Variants in SLC25A29 observed in about 807,000 individuals in gnomAD.
The protein encoded by SLC25A29 is mitochondrial basic amino acids transporter.
In SLC25A29, 13 loss-of-function variants were observed where a neutral mutation model predicts 10.0. The observed-to-expected ratio is 1.30, with a 90% confidence interval of 0.85 to 2.07. The LOEUF is 2.07. SLC25A29 is among the 30% of genes most tolerant of loss of function. The probability of loss-of-function intolerance (pLI) is 0.00; values close to 1 mark genes in which losing one functional copy is unlikely to be tolerated. For synonymous variants in SLC25A29, 244 were observed against 221.1 expected (o/e 1.10, Z -0.92); for missense variants, 475 against 447.6 (o/e 1.06, Z -0.55).
Position 100,306,298 on chromosome 14 carries a change from G to GA in SLC25A29, c.-67_-66insT. On this transcript the variant is annotated 5_prime_UTR_variant, in exon 1 of 4. Transcript: ENST00000359232. ...CCCCTGAGGCCCCTCGCCGGGCTGG[G>GA]CGCCGTCGGGGTCCCCGAGCGCGCG... The GA allele has an allele frequency of 1.5e-6, 2 of 1,316,318 alleles. No homozygotes were observed. Among genetic ancestry groups the GA allele is most frequent in the Non-Finnish European group, 1.9e-6 (2 of 1,035,188 alleles). The allele number at this position is 1,316,318 out of a possible 1,614,324, so 81.5% of individuals were successfully genotyped here.
At chr14:100,301,761 C>T (rs1359536958) in intron 1 of SLC25A29, among the ~76,000 whole-genome samples, 7 of 151,928 alleles carry the variant, frequency 4.6e-5, no homozygotes, top group Admixed American at 2.0e-4. Context: ...CCACCCGCCT[C>T]GGCCACCCAA....
At chr14:100,300,055 G>C in intron 1 of SLC25A29, 2 of 716,536 alleles carry the variant, frequency 2.8e-6, no homozygotes, top group Non-Finnish European at 3.4e-6. Flanking sequence ...CAGATCACTT[G>C]AGATCAGGAG....
chr14:100,292,728 G>A lies in SLC25A29; in HGVS notation c.467C>T (p.Ser156Phe), dbSNP rs1242678446. 6.2e-7 allele frequency: 1 copy of A among 1,602,864 alleles called. No individual in the cohort carries two copies. Among genetic ancestry groups the A allele is most frequent in the African/African-American group, 1.3e-5 (1 of 74,762 alleles). ...GCTGGGCGTCTCACGCAGCAACGTG[G>A]ACACCATGCCCCGGTTGACGCCACG... ...GLRGVNRGMV[S>F]TLLRETPSFG... Residue 156 changes from serine (S) to phenylalanine (F), a missense_variant, in exon 4 of 4, where the codon TCC becomes TTC. Physicochemically the swap from Ser to Phe is radical, Grantham distance 155. Transcript: ENST00000359232.
chr14:100,285,206 C>A, the SLC25A29 span, among the ~76,000 whole-genome samples: 20 of 152,090 alleles, frequency 1.3e-4, no homozygotes, highest in African/African-American at 4.8e-4. Flanking sequence ...CTAGCCCCTG[C>A]CCGCCTGGCC....
chr14:100,285,621 G>T, the SLC25A29 span, among the ~76,000 whole-genome samples: 1 of 152,118 alleles, frequency 6.6e-6, no homozygotes, highest in Non-Finnish European at 1.5e-5. Flanking sequence ...GGGCCACGGG[G>T]GCGCGGAGAT....
rs1443520091 is a variant in SLC25A29 at position 100,291,937 on chromosome 14, A to G, written c.*346T>C. 7 of 335,098 alleles carry G rather than the reference A, an allele frequency of 2.1e-5. No homozygotes were observed. The highest frequency in any genetic ancestry group is 1.5e-4 in the South Asian group (6 of 38,762). The allele number at this position is 335,098 out of a possible 1,614,324, so 20.8% of individuals were successfully genotyped here. A position where few individuals can be genotyped will look rare whatever the true frequency, so the allele number is the denominator to read the frequency against. On this transcript the variant is annotated 3_prime_UTR_variant, in exon 4 of 4. Coordinates refer to ENST00000359232, the MANE Select transcript of SLC25A29 (RefSeq NM_001039355.3). Reference sequence around the variant, plus strand: ...GAGCCAGCCTGCAGGGCAGGAGCACAATGACGTGGCCAGGATCCCAGAAAG... The same window carrying G: ...GAGCCAGCCTGCAGGGCAGGAGCACGATGACGTGGCCAGGATCCCAGAAAG...
Position 100,292,158 on chromosome 14 carries a change from A to G in SLC25A29, c.*125T>C, listed in dbSNP as rs1413709771. ...ACTACCCAGCTGATCAGCAAAATTCAGCCCACGTCTGATAGACTCCACAGC... is the reference window on the plus strand; with the variant it reads ...ACTACCCAGCTGATCAGCAAAATTCGGCCCACGTCTGATAGACTCCACAGC... On this transcript the variant is annotated 3_prime_UTR_variant, in exon 4 of 4. Coordinates refer to ENST00000359232, the MANE Select transcript of SLC25A29 (RefSeq NM_001039355.3). 1.6e-5 allele frequency: 21 copies of G among 1,303,844 alleles called. No homozygotes were observed. The highest frequency in any genetic ancestry group is 2.2e-5 in the Non-Finnish European group (21 of 943,186). The allele number at this position is 1,303,844 out of a possible 1,614,324, so 80.8% of individuals were successfully genotyped here.
In SLC25A29 at chr14:100,292,699, C is replaced by T. The variant is rs775448610; in HGVS notation, c.496G>A (p.Gly166Ser). 2.5e-6 allele frequency: 4 copies of T among 1,602,354 alleles called. No homozygotes were observed. The highest frequency in any genetic ancestry group is 3.4e-5 in the Admixed American group (2 of 58,268). The change falls in exon 4 of 4, where the codon GGC becomes AGC. Residue 166 changes from glycine to serine, a missense_variant. Physicochemically the swap from Gly to Ser is moderately conservative, Grantham distance 56. Coordinates refer to ENST00000359232, the MANE Select transcript of SLC25A29 (RefSeq NM_001039355.3). ...STLLRETPSFGVYFLTYDALT... is the reference protein window; with the variant it reads ...STLLRETPSFSVYFLTYDALT... ...GCGTCATAGGTGAGGAAGTAGACGC[C>T]GAAGCTGGGCGTCTCACGCAGCAAC... is the stretch of plus-strand genomic sequence containing the variant.
chr14:100,294,228 A>T (rs952968953), intron 2 of SLC25A29: 1 of 152,300 alleles, frequency 6.6e-6, no homozygotes, highest in Non-Finnish European at 1.5e-5. Context: ...GCAAGAGAAC[A>T]GCCAACAACC....
intron 1 of SLC25A29, 190 bp from the exon 2 acceptor site, chr14:100,299,075 A>G: frequency 7.0e-7 from 1 of 1,431,148 alleles, no homozygotes; most frequent in Non-Finnish European, 9.1e-7. Flanking sequence ...CTGGGAGGGT[A>G]TGCATGTGAC....
chr14:100,280,656 T>C, the SLC25A29 span: 1 of 152,082 alleles, frequency 6.6e-6, no homozygotes, highest in Non-Finnish European at 1.5e-5. Flanking sequence ...ATGTCACTTA[T>C]TTTGCTAAAT....
At chr14:100,297,949 T>C (rs1892282036) in intron 2 of SLC25A29, 1 of 152,294 alleles carries the variant, frequency 6.6e-6, no homozygotes. Flanking sequence ...TCACAGCCAA[T>C]GCAAAGGCCA....
At chr14:100,290,466 T>C (rs1891638349), downstream of SLC25A29, among the ~76,000 whole-genome samples, 1 of 152,204 alleles carries the variant, frequency 6.6e-6, no homozygotes, top group South Asian at 2.1e-4. Flanking sequence ...GCACTAGGGT[T>C]AAACAGGCAC....
chr14:100,301,662 A>G (rs1268051393), intron 1 of SLC25A29, among the ~76,000 whole-genome samples: 1 of 151,766 alleles, frequency 6.6e-6, no homozygotes. Flanking sequence ...GGTGCCCGCC[A>G]CCACGCCTGG....
intron 1 of SLC25A29, among the ~76,000 whole-genome samples, chr14:100,303,906 T>C (rs1288920341): frequency 1.3e-5 from 2 of 152,108 alleles, no homozygotes; most frequent in Non-Finnish European, 2.9e-5. Context: ...TAGCTGAGCT[T>C]TTCTCTCTGC....
chr14:100,279,401 C>G, the SLC25A29 span: 3 of 152,294 alleles, frequency 2.0e-5, no homozygotes, highest in East Asian at 5.8e-4. Context: ...TAACAGTGAC[C>G]CTGTGGCTCT....
At chr14:100,286,320 G>T (rs1359698058), downstream of SLC25A29, among the ~76,000 whole-genome samples, 3 of 152,208 alleles carry the variant, frequency 2.0e-5, no homozygotes, top group Non-Finnish European at 4.4e-5. Flanking sequence ...ACCAAACAGA[G>T]CCCACCATGT....
rs746172860 is a variant in SLC25A29 at position 100,292,492 on chromosome 14, C to G, written c.703G>C (p.Val235Leu). 1.9e-6 allele frequency: 3 copies of G among 1,587,366 alleles called. No homozygotes were observed. Among genetic ancestry groups the G allele is most frequent in the Non-Finnish European group, 2.6e-6 (3 of 1,168,680 alleles). Residue 235 changes from valine to leucine, a missense_variant, in exon 4 of 4, where the codon GTG becomes CTG. Coordinates refer to ENST00000359232, the MANE Select transcript of SLC25A29 (RefSeq NM_001039355.3). ...CCCTCGGCGCGGTAGCTCTGGTGCA[C>G]GCAGTCCAGGATGCCGCGGTAGCGC... Reference protein sequence around the residue: ...APRYRGILDCVHQSYRAEGWR... With the variant: ...APRYRGILDCLHQSYRAEGWR...
chr14:100,285,727 G>C, the SLC25A29 span, among the ~76,000 whole-genome samples: 2 of 152,098 alleles, frequency 1.3e-5, no homozygotes, highest in Non-Finnish European at 2.9e-5. Flanking sequence ...ACAGGGACAC[G>C]GGGCAGGGCG....
Sources: allele counts gnomAD v4.1 joint callset (sites outside exome capture counted in the v4.1 genomes callset), GRCh38; gene constraint gnomAD v4.1.1; transcripts MANE v1.5; gene names NCBI Gene and HGNC (gene_info 2026-07-23, HGNC 2026-07-21).